SHROOM3: variants seen among roughly 807,000 people sequenced by gnomAD.
SHROOM3 encodes the protein shroom family member 3.
In SHROOM3, 47 loss-of-function variants were observed where a neutral mutation model predicts 138.6. The observed-to-expected ratio is 0.34, with a 90% CI of 0.27 to 0.43. The LOEUF is 0.43. SHROOM3 is among the 20% of genes least tolerant of loss of function. The pLI, the probability that SHROOM3 is intolerant of heterozygous loss-of-function variation, is 1.00. For synonymous variants in SHROOM3, 1,062 were observed against 1,063.3 expected, an observed-to-expected ratio of 1.00 and a Z score of 0.02; for missense variants, 2,491 against 2,596.5, an observed-to-expected ratio of 0.96 and a Z score of 0.88.
intron 5 of SHROOM3, among the ~76,000 whole-genome samples, chr4:76,747,299 T>A (rs909444948): frequency 2.0e-5 from 3 of 152,320 alleles, no homozygotes; most frequent in East Asian, 3.9e-4. Context: ...CTTACCAATT[T>A]ATAGAAAATT....
At chr4:76,588,499 A>G (rs1426425071) in intron 2 of SHROOM3, among the ~76,000 whole-genome samples, 1 of 152,088 alleles carries the variant, frequency 6.6e-6, no homozygotes, top group Admixed American at 6.6e-5. Context: ...CCTCCTAGAC[A>G]CATGCTGTGC....
chr4:76,516,352 A>C (rs1174708660), intron 1 of SHROOM3, among the ~76,000 whole-genome samples: 2 of 152,180 alleles, frequency 1.3e-5, no homozygotes, highest in African/African-American at 4.8e-5. Flanking sequence ...AATATTCCTG[A>C]AGTCCAAATC....
chr4:76,744,778 C>T (rs1721377936), intron 5 of SHROOM3, among the ~76,000 whole-genome samples: 1 of 152,180 alleles, frequency 6.6e-6, no homozygotes, highest in African/African-American at 2.4e-5. Flanking sequence ...GATGCTATCT[C>T]CAACAAATGT....
chr4:76,633,605 C>T (rs1482051950), intron 2 of SHROOM3, among the ~76,000 whole-genome samples: 3 of 143,248 alleles, frequency 2.1e-5, no homozygotes, highest in South Asian at 2.2e-4. Flanking sequence ...TGCAGTGAGC[C>T]GAGATTGCGC....
chr4:76,695,187 A>G (rs2110110099), intron 2 of SHROOM3, among the ~76,000 whole-genome samples: 1 of 152,268 alleles, frequency 6.6e-6, no homozygotes, highest in Admixed American at 6.5e-5. Flanking sequence ...GAAAGGCTCT[A>G]ATGAACATGT....
At chr4:76,556,377 G>A (rs1242490748) in intron 2 of SHROOM3, among the ~76,000 whole-genome samples, 3 of 152,178 alleles carry the variant, frequency 2.0e-5, no homozygotes, top group Admixed American at 1.3e-4. Flanking sequence ...ATCTCTATTA[G>A]TAAGCACTGC....
chr4:76,725,356 C>T (rs139335882), intron 3 of SHROOM3, among the ~76,000 whole-genome samples: 23 of 152,272 alleles, frequency 1.5e-4, no homozygotes, highest in Admixed American at 3.3e-4. Flanking sequence ...GGAATTATTT[C>T]ATTTGCTCTT....
intron 2 of SHROOM3, among the ~76,000 whole-genome samples, chr4:76,601,586 C>A (rs1038826512): frequency 3.1e-4 from 47 of 152,258 alleles, no homozygotes; most frequent in African/African-American, 1.0e-3. Flanking sequence ...CTCACTGCAA[C>A]CTCCGCCTCC....
intron 1 of SHROOM3, among the ~76,000 whole-genome samples, chr4:76,436,522 GAT>G (rs1730567894): frequency 6.6e-6 from 1 of 152,106 alleles, no homozygotes; most frequent in Admixed American, 6.5e-5. Context: ...TCAGATTAAA[GAT>G]TAATAACATG....
At chr4:76,696,114 A>T (rs1207176726) in intron 2 of SHROOM3, among the ~76,000 whole-genome samples, 1 of 152,214 alleles carries the variant, frequency 6.6e-6, no homozygotes, top group East Asian at 1.9e-4. Context: ...CTGGAAGAAG[A>T]ACCTACAAGG....
chr4:76,773,351 G>A (rs919163272), intron 10 of SHROOM3, among the ~76,000 whole-genome samples: 2 of 149,766 alleles, frequency 1.3e-5, no homozygotes, highest in South Asian at 4.3e-4. Flanking sequence ...TCCAGCCCGG[G>A]TGACAGAGCA....
rs951126284 is a variant in SHROOM3 at position 76,479,119 on chromosome 4, A to G, written c.168+42899A>G. Among the ~76,000 whole-genome samples, 5 of 152,086 alleles carry G rather than the reference A, an allele frequency of 3.3e-5. No individual in the cohort carries two copies. The South Asian group carries it at 1.0e-3, about 32-fold the overall frequency. The stretch of plus-strand genomic sequence containing the variant: ...CTCGCCAACAAGGGAACAAAACTGG[A>G]TGGAGAATGAGTTTGACAAATTGAC... On this transcript the variant is annotated intron_variant, in intron 1 of 10. Coordinates refer to ENST00000296043, the MANE Select transcript of SHROOM3 (RefSeq NM_020859.4).
At chr4:76,704,847 C>CA (rs1421919892) in intron 2 of SHROOM3, among the ~76,000 whole-genome samples, 1 of 152,020 alleles carries the variant, frequency 6.6e-6, no homozygotes, top group Non-Finnish European at 1.5e-5. Flanking sequence ...TGAAACATAA[C>CA]AAAAAAGGAG....
intron 2 of SHROOM3, among the ~76,000 whole-genome samples, chr4:76,598,649 G>C (rs1324098155): frequency 3.3e-5 from 5 of 152,182 alleles, no homozygotes; most frequent in African/African-American, 1.2e-4. Flanking sequence ...TTCGCCCCCT[G>C]GTGCAGCTGT....
chr4:76,774,701 T>A (rs1233256679), intron 10 of SHROOM3, among the ~76,000 whole-genome samples: 1 of 142,450 alleles, frequency 7.0e-6, no homozygotes, highest in Non-Finnish European at 1.5e-5. Context: ...CCCTCAGGGT[T>A]TTTTGGGGTT....
chr4:76,620,299 G>A (rs975538554), intron 2 of SHROOM3, among the ~76,000 whole-genome samples: 9 of 152,016 alleles, frequency 5.9e-5, no homozygotes, highest in African/African-American at 2.2e-4. Context: ...GTGTCCAACA[G>A]GCAGTTGGAA....
chr4:76,576,144 G>A (rs894620673), intron 2 of SHROOM3, among the ~76,000 whole-genome samples: 1 of 152,144 alleles, frequency 6.6e-6, no homozygotes, highest in Non-Finnish European at 1.5e-5. Flanking sequence ...ATCCCACTAT[G>A]GGGTATATAC....
chr4:76,754,314 A>G lies in SHROOM3; in HGVS notation c.3831A>G (p.Ser1277=), dbSNP rs892903964. 13 of 1,613,774 alleles carry G rather than the reference A, an allele frequency of 8.1e-6. No homozygotes were observed. Among genetic ancestry groups the G allele is most frequent in the Non-Finnish European group, 9.3e-6 (11 of 1,179,970 alleles). ...TCCTGTCTGTGTGCCGTTCCAGGTC[A>G]CTCAGTTGTTCAGAAAGAGGCCAAG... ...PCYLAGPGSR[S]LSCSERGQEE... Residue 1277 remains serine (S), a synonymous_variant, in exon 7 of 11, where the codon TCA becomes TCG. Transcript: ENST00000296043.
chr4:76,452,880 G>A (rs2109970715), intron 1 of SHROOM3, among the ~76,000 whole-genome samples: 1 of 152,214 alleles, frequency 6.6e-6, no homozygotes, highest in South Asian at 2.1e-4. Context: ...ACCATGCCGA[G>A]CTAATTTTTG....
Sources: gnomAD v4.1 joint callset for allele counts (sites outside exome capture counted in the v4.1 genomes callset) on GRCh38, gnomAD v4.1.1 for gene constraint, MANE v1.5 for transcripts, NCBI Gene and HGNC (gene_info 2026-07-23, HGNC 2026-07-21) for gene names.